ZNF625: variants seen among roughly 807,000 people sequenced by gnomAD.
ZNF625 encodes zinc finger protein 625.
ZNF625 carries 8 observed loss-of-function variants against 11.1 expected under a neutral mutation model. That is an observed-to-expected ratio of 0.72 (90% CI 0.42 to 1.30). The LOEUF (loss-of-function observed/expected upper bound fraction) is 1.30, where lower values mean the gene tolerates loss of function less well. Ranked by LOEUF, ZNF625 falls within the 50% of genes most tolerant of loss-of-function variation. The pLI is 0.01. For missense variants in ZNF625, 349 were observed against 447.6 expected, an observed-to-expected ratio of 0.78 and a Z score of 1.99; for synonymous variants, 145 against 153.4, an observed-to-expected ratio of 0.95 and a Z score of 0.41.
chr19:12,148,623 A>G (rs75777850), intron 1 of ZNF625, among the ~76,000 whole-genome samples: 1 of 138,288 alleles, frequency 7.2e-6, no homozygotes, highest in East Asian at 2.1e-4. Flanking sequence ...TATAACTACC[A>G]TTTTTTTTTT....
At chr19:12,149,765 G>A (rs1279699458) in intron 1 of ZNF625, among the ~76,000 whole-genome samples, 2 of 151,320 alleles carry the variant, frequency 1.3e-5, no homozygotes, top group Non-Finnish European at 1.5e-5. Flanking sequence ...TTCAGACGGA[G>A]TTTCGCTCTT....
chr19:12,145,387 G>C lies in ZNF625; in HGVS notation c.1029C>G (p.Ala343=), dbSNP rs1976853111. ...TCCTTTCATGGATTTTAACGCTCGA[G>C]GCACATCCAAAGGCTTTACCACATT... ...CKQCGKAFGC[A]SSVKIHERTH... is the part of the protein sequence containing the mutation. Residue 343 remains alanine (A), a synonymous_variant, in exon 4 of 4, where the codon GCC becomes GCG. Transcript: ENST00000439556. 1 of 1,613,972 alleles carries C rather than the reference G, an allele frequency of 6.2e-7. No homozygotes were observed. The highest frequency in any genetic ancestry group is 8.5e-7 in the Non-Finnish European group (1 of 1,180,024).
chr19:12,152,160 C>T (rs1976965266), intron 1 of ZNF625, among the ~76,000 whole-genome samples: 1 of 152,054 alleles, frequency 6.6e-6, no homozygotes. Context: ...ATATCATATA[C>T]ACGTTACATG....
intron 1 of ZNF625, among the ~76,000 whole-genome samples, chr19:12,151,592 G>C (rs1169269788): frequency 6.6e-6 from 1 of 151,990 alleles, no homozygotes. Context: ...TGTTAGCCAA[G>C]ATGGTCTCGG....
At chr19:12,149,944 G>A (rs2145611566) in intron 1 of ZNF625, among the ~76,000 whole-genome samples, 1 of 152,170 alleles carries the variant, frequency 6.6e-6, no homozygotes, top group African/African-American at 2.4e-5. Flanking sequence ...TCTCCATGTT[G>A]GTCAGGCTAG....
In ZNF625 at chr19:12,145,858, A is replaced by C; in HGVS notation, c.558T>G (p.Ser186Arg). 6.2e-7 allele frequency: 1 copy of C among 1,614,168 alleles called. No homozygotes were observed. Among genetic ancestry groups the C allele is most frequent in the Non-Finnish European group, 8.5e-7 (1 of 1,180,028 alleles). The change falls in exon 4 of 4, where the codon AGT becomes AGG. Residue 186 changes from serine to arginine, a missense_variant. By Grantham distance (110) the Ser-to-Arg change is moderately radical. Coordinates refer to ENST00000439556, the MANE Select transcript of ZNF625 (RefSeq NM_145233.4). ...AGTTACATTTGTAGGGTCCATCTCC[A>C]CTGTGCATTATCCTGTGTCTTCGAA... ...SSIRRHRIMH[S>R]GDGPYKCNFC...
In ZNF625 at chr19:12,156,721, G is replaced by T; in HGVS notation, c.-163C>A. 1 of 618,766 alleles carries T rather than the reference G, an allele frequency of 1.6e-6. No homozygotes were observed. Among genetic ancestry groups the T allele is most frequent in the Non-Finnish European group, 2.3e-6 (1 of 425,780 alleles). 38.3% of individuals were successfully genotyped at this position (618,766 alleles called of 1,614,324 possible). A position where few individuals can be genotyped will look rare whatever the true frequency, so the allele number is the denominator to read the frequency against. On this transcript the variant is annotated 5_prime_UTR_variant, in exon 1 of 4. Coordinates refer to ENST00000439556, the MANE Select transcript of ZNF625 (RefSeq NM_145233.4). ...TCCCTTTGGTGCAAGACGCCTGGGA[G>T]TCAGGAAAGCGGGAATGCGGCCTCC... is the stretch of plus-strand genomic sequence containing the variant.
intron 1 of ZNF625, 50 bp from the exon 2 acceptor site, chr19:12,147,852 G>A (rs1280657513): frequency 6.2e-7 from 1 of 1,605,836 alleles, no homozygotes; most frequent in Admixed American, 1.7e-5. Flanking sequence ...TGACAGCACT[G>A]GGTTCCTATA....
In ZNF625 at chr19:12,156,568, T is replaced by C; in HGVS notation, c.-10A>G. ...CCCGCACACTCACCATTTCCCGGCT[T>C]CCAGGTGTCCTGGCCTCCTCTCCAC... On this transcript the variant is annotated 5_prime_UTR_variant, in exon 1 of 4. Coordinates refer to ENST00000439556, the MANE Select transcript of ZNF625 (RefSeq NM_145233.4). 1 of 1,413,008 alleles carries C rather than the reference T, an allele frequency of 7.1e-7. No homozygotes were observed. The highest frequency in any genetic ancestry group is 9.2e-7 in the Non-Finnish European group (1 of 1,081,828). The allele number at this position is 1,413,008 out of a possible 1,614,324, so 87.5% of individuals were successfully genotyped here. A position where few individuals can be genotyped will look rare whatever the true frequency, so the allele number is the denominator to read the frequency against.
At chr19:12,155,172 G>A (rs10423048) in intron 1 of ZNF625, among the ~76,000 whole-genome samples, 3 of 150,512 alleles carry the variant, frequency 2.0e-5, no homozygotes, top group Admixed American at 6.6e-5. Flanking sequence ...GTTGCCGTAA[G>A]CCGAGATTGC....
At chr19:12,156,457 G>T (rs1977028497) in intron 1 of ZNF625, 99 bp downstream of exon 1, 2 of 1,042,338 alleles carry the variant, frequency 1.9e-6, no homozygotes, top group Non-Finnish European at 1.3e-6. Context: ...CTGCAGACCC[G>T]AAGTCGCTGC....
intron 1 of ZNF625, among the ~76,000 whole-genome samples, chr19:12,154,641 C>A (rs1411632881): frequency 6.6e-6 from 1 of 152,158 alleles, no homozygotes; most frequent in Admixed American, 6.5e-5. Context: ...GTAGAAAAAT[C>A]CAAACAAGGC....
intron 1 of ZNF625, among the ~76,000 whole-genome samples, chr19:12,150,294 C>T (rs957499235): frequency 3.3e-5 from 5 of 152,046 alleles, no homozygotes; most frequent in Admixed American, 6.6e-5. Context: ...GTTGTTGTCC[C>T]CATGAAAAGG....
intron 3 of ZNF625, 37 bp downstream of exon 3, chr19:12,147,358 T>A: frequency 7.1e-7 from 1 of 1,416,738 alleles, no homozygotes; most frequent in Non-Finnish European, 9.6e-7. Context: ...TATGATTGTC[T>A]AGAGAGACAT....
chr19:12,152,703 G>A (rs1173201308), intron 1 of ZNF625, among the ~76,000 whole-genome samples: 3 of 151,966 alleles, frequency 2.0e-5, no homozygotes, highest in South Asian at 2.1e-4. Context: ...TTAGCTGGGC[G>A]TGGTAGCATG....
At chr19:12,154,986 GAGGCGGAGGC>G (rs1050315945) in intron 1 of ZNF625, among the ~76,000 whole-genome samples, 3 of 152,090 alleles carry the variant, frequency 2.0e-5, no homozygotes, top group East Asian at 1.9e-4. Context: ...GAGGCGGAGG[GAGGCGGAGGC>G]AGGCGGATTA....
At chr19:12,153,713 C>A (rs1243876841) in intron 1 of ZNF625, among the ~76,000 whole-genome samples, 2 of 149,718 alleles carry the variant, frequency 1.3e-5, no homozygotes, top group African/African-American at 2.5e-5. Context: ...TGCAGTGATT[C>A]TGGCAGGCAT....
rs1405538525 is a variant in ZNF625 at position 12,145,694 on chromosome 19, T to G, written c.722A>C (p.His241Pro). The G allele has an allele frequency of 6.2e-7, 1 of 1,614,078 alleles. No homozygotes were observed. The highest frequency in any genetic ancestry group is 8.5e-7 in the Non-Finnish European group (1 of 1,180,052). ...SGSLRIHERT[H>P]TGEKPYECSE... ...GCATTCATAAGGCTTCTCTCCAGTG[T>G]GAGTTCTTTCATGTATTCGAAGGCT... The change falls in exon 4 of 4, where the codon CAC (histidine) becomes CCC (proline). Residue 241 changes from histidine to proline, a missense_variant. Coordinates refer to ENST00000439556, the MANE Select transcript of ZNF625 (RefSeq NM_145233.4).
Position 12,145,413 on chromosome 19 carries a change from G to T in ZNF625, c.1003C>A (p.Gln335Lys). Residue 335 changes from glutamine to lysine, a missense_variant, in exon 4 of 4, where the codon CAA becomes AAA. Physicochemically the swap from Gln to Lys is moderately conservative, Grantham distance 53 (BLOSUM62 1). Transcript: ENST00000439556. ...HTGEKPYECKQCGKAFGCASS... is the reference protein window; with the variant it reads ...HTGEKPYECKKCGKAFGCASS... ...GCACATCCAAAGGCTTTACCACATT[G>T]TTTACATTCATAGGGTTTCTCTCCA... is the stretch of plus-strand genomic sequence containing the variant. 2 of 1,614,104 alleles carry T rather than the reference G, an allele frequency of 1.2e-6. No individual in the cohort carries two copies. Among genetic ancestry groups the T allele is most frequent in the Non-Finnish European group, 1.7e-6 (2 of 1,180,026 alleles).
Sources: allele counts gnomAD v4.1 joint callset (sites outside exome capture counted in the v4.1 genomes callset), GRCh38; gene constraint gnomAD v4.1.1; transcripts MANE v1.5; gene names NCBI Gene and HGNC (gene_info 2026-07-23, HGNC 2026-07-21).